Variants in ZNF721 observed in about 807,000 individuals in gnomAD.
ZNF721 encodes zinc finger protein 721.
Under a neutral mutation model 2.4 loss-of-function variants are expected in ZNF721, and 2 were observed. The observed-to-expected ratio is 0.82, with a 90% confidence interval of 0.34 to 2.58. The LOEUF is 2.58. ZNF721 is among the 30% of genes most tolerant of loss of function. The pLI is 0.11. For missense variants in ZNF721, 1,187 were observed against 1,085.5 expected (o/e 1.09, Z -1.31); for synonymous variants, 398 against 381.8 (o/e 1.04, Z -0.50).
intron 1 of ZNF721, among the ~76,000 whole-genome samples, chr4:475,734 C>T (rs1715608492): frequency 6.6e-6 from 1 of 151,902 alleles, no homozygotes; most frequent in Non-Finnish European, 1.5e-5. Flanking sequence ...AATGGCCAAC[C>T]TCTTAGTCCC....
chr4:478,497 ATT>A (rs1480458018), intron 1 of ZNF721, among the ~76,000 whole-genome samples: 1 of 152,138 alleles, frequency 6.6e-6, no homozygotes, highest in Admixed American at 6.5e-5. Context: ...AGTTATGTGG[ATT>A]ACAGGCATGA....
Position 441,740 on chromosome 4 carries a change from A to C in ZNF721, c.2727T>G (p.Tyr909Ter), listed in dbSNP as rs782096306. 6.2e-7 allele frequency: 1 copy of C among 1,613,156 alleles called. No homozygotes were observed. Among genetic ancestry groups the C allele is most frequent in the African/African-American group, 1.3e-5 (1 of 75,004 alleles). Residue 909 changes from tyrosine (Y) to a stop codon, truncating the protein, a stop_gained, in exon 3 of 3, where the codon TAT becomes TAG. Coordinates refer to ENST00000511833, the MANE Select transcript of ZNF721 (RefSeq NM_133474.4). LOFTEE classifies it low-confidence loss of function (END_TRUNC). ...CTCCAGTATGAATTTTCTTATGTGC[A>C]TAAAGATTTGCAGACTGTCTAAAGG... Reference protein sequence around the residue: ...GKTFRQSANLYAHKKIHTGDK... With the variant: ...GKTFRQSANL
intron 1 of ZNF721, among the ~76,000 whole-genome samples, chr4:485,795 T>C (rs1715880199): frequency 6.6e-6 from 1 of 151,982 alleles, no homozygotes; most frequent in South Asian, 2.1e-4. Flanking sequence ...CCAACATGGG[T>C]GAAACCCCGT....
chr4:486,165 CT>C (rs35987865), intron 1 of ZNF721, among the ~76,000 whole-genome samples: 74,026 of 135,362 alleles, frequency 0.55, 20,466 homozygotes, highest in Admixed American at 0.66. Flanking sequence ...TTTTTCTTTT[CT>C]TTTTTTTTTT....
At chr4:487,919 T>C (rs1469979452) in intron 1 of ZNF721, among the ~76,000 whole-genome samples, 2 of 152,182 alleles carry the variant, frequency 1.3e-5, no homozygotes, top group African/African-American at 4.8e-5. Context: ...CCCTCCCCCT[T>C]GTACCAGTTC....
chr4:474,387 T>G lies in ZNF721; in HGVS notation c.-93-1686A>C, dbSNP rs902879571. Among the ~76,000 whole-genome samples, 108 of 152,262 alleles carry G rather than the reference T, an allele frequency of 7.1e-4. 1 individual carries two copies. Among genetic ancestry groups the G allele is most frequent in the African/African-American group, 2.5e-3 (103 of 41,558 alleles). The stretch of plus-strand genomic sequence containing the variant: ...AGGCTTGGCTCTGCACAGGGTTCAT[T>G]TTAACCTTCTGGTGTGTAACGTTAC... On this transcript the variant is annotated intron_variant, in intron 1 of 2. Transcript: ENST00000511833.
rs193197708 is a variant in ZNF721 at position 445,417 on chromosome 4, G to C, written c.35-985C>G. On this transcript the variant is annotated intron_variant, in intron 2 of 2. Transcript: ENST00000511833. Reference sequence around the variant, plus strand: ...TCTCTACCAAAGACAACTGGCTTCAGACTACATCATGACAAAGCAACATAA... The same window carrying C: ...TCTCTACCAAAGACAACTGGCTTCACACTACATCATGACAAAGCAACATAA... Among the ~76,000 whole-genome samples, 10 of 152,258 alleles carry C rather than the reference G, an allele frequency of 6.6e-5. No individual in the cohort carries two copies. The East Asian group carries it at 1.9e-3, about 29-fold the overall frequency.
chr4:474,958 G>A (rs1157940314), intron 1 of ZNF721, among the ~76,000 whole-genome samples: 2 of 152,108 alleles, frequency 1.3e-5, no homozygotes, highest in Admixed American at 6.5e-5. Context: ...GGAGGCCGGG[G>A]CGGGTGGATC....
intron 2 of ZNF721, among the ~76,000 whole-genome samples, chr4:455,156 A>G (rs1194019384): frequency 1.3e-5 from 2 of 151,946 alleles, no homozygotes; most frequent in African/African-American, 4.8e-5. Flanking sequence ...TTATTATATC[A>G]TTTGCTTATA....
chr4:441,676 A>T lies in ZNF721; in HGVS notation c.*19T>A. The T allele has an allele frequency of 6.3e-7, 1 of 1,576,686 alleles. No homozygotes were observed. Among genetic ancestry groups the T allele is most frequent in the Non-Finnish European group, 8.6e-7 (1 of 1,158,730 alleles). ...GTTTAAGAATGCTGTAGTATGACTTAAAGGCTTTGCCACATTCTTTACACT... is the reference window on the plus strand; with the variant it reads ...GTTTAAGAATGCTGTAGTATGACTTTAAGGCTTTGCCACATTCTTTACACT... On this transcript the variant is annotated 3_prime_UTR_variant, in exon 3 of 3. Coordinates refer to ENST00000511833, the MANE Select transcript of ZNF721 (RefSeq NM_133474.4).
intron 2 of ZNF721, among the ~76,000 whole-genome samples, chr4:448,797 G>C (rs1325994368): frequency 2.0e-5 from 3 of 152,180 alleles, no homozygotes; most frequent in East Asian, 1.9e-4. Context: ...GTCACATGAA[G>C]AGTTTTAGAC....
At chr4:468,331 G>A (rs1233347766) in intron 2 of ZNF721, among the ~76,000 whole-genome samples, 2 of 151,908 alleles carry the variant, frequency 1.3e-5, no homozygotes, top group Non-Finnish European at 1.5e-5. Context: ...TTGGGAGGCT[G>A]AGGCAGGAGA....
chr4:495,897 T>G (rs116434270), intron 1 of ZNF721, among the ~76,000 whole-genome samples: 292 of 152,274 alleles, frequency 1.9e-3, no homozygotes, highest in African/African-American at 6.8e-3. Context: ...CCACTGAGCA[T>G]GGCCAAATTA....
At chr4:481,380 G>C (rs1715765946) in intron 1 of ZNF721, among the ~76,000 whole-genome samples, 1 of 152,180 alleles carries the variant, frequency 6.6e-6, no homozygotes, top group Non-Finnish European at 1.5e-5. Context: ...TAATGGGTAA[G>C]AGGTAAGAGC....
intron 1 of ZNF721, among the ~76,000 whole-genome samples, chr4:478,507 T>C (rs1576969540): frequency 6.6e-6 from 1 of 152,032 alleles, no homozygotes; most frequent in African/African-American, 2.4e-5. Context: ...ATTACAGGCA[T>C]GAGTCATCAC....
At chr4:449,060 G>A (rs1714567916) in intron 2 of ZNF721, among the ~76,000 whole-genome samples, 1 of 152,144 alleles carries the variant, frequency 6.6e-6, no homozygotes, top group Non-Finnish European at 1.5e-5. Context: ...AATTGTTTTT[G>A]TAAAGGGCCA....
chr4:451,943 T>A (rs1430511856), intron 2 of ZNF721, among the ~76,000 whole-genome samples: 1 of 152,204 alleles, frequency 6.6e-6, no homozygotes, highest in Non-Finnish European at 1.5e-5. Context: ...AACCATTGGC[T>A]GTCTGTGAGG....
chr4:479,140 G>A (rs1715709954), intron 1 of ZNF721, among the ~76,000 whole-genome samples: 1 of 152,078 alleles, frequency 6.6e-6, no homozygotes, highest in Admixed American at 6.6e-5. Flanking sequence ...TTTCCCCATT[G>A]CTTGGTCACG....
chr4:493,189 A>T (rs963739175), intron 1 of ZNF721, among the ~76,000 whole-genome samples: 21 of 151,918 alleles, frequency 1.4e-4, no homozygotes, highest in Non-Finnish European at 2.5e-4. Context: ...AAAAAAAAAA[A>T]ATATGGCCTA....
Sources: gnomAD v4.1 joint callset for allele counts (sites outside exome capture counted in the v4.1 genomes callset) on GRCh38, gnomAD v4.1.1 for gene constraint, MANE v1.5 for transcripts, NCBI Gene and HGNC (gene_info 2026-07-23, HGNC 2026-07-21) for gene names.